ZNF410: variants seen among roughly 807,000 people sequenced by gnomAD.
ZNF410 encodes zinc finger protein 410, also known as another partner for ARF 1.
Under a neutral mutation model 54.8 loss-of-function variants are expected in ZNF410, and 18 were observed. The observed-to-expected ratio is 0.33, with a 90% CI of 0.23 to 0.49. The LOEUF (loss-of-function observed/expected upper bound fraction) is 0.49. Among genes scored for constraint, ZNF410 ranks in the 20% least tolerant of loss-of-function variants. ZNF410 has a pLI of 0.99. For missense variants in ZNF410, 405 were observed against 569.6 expected, an observed-to-expected ratio of 0.71 and a Z score of 2.94; for synonymous variants, 191 against 207.3, an observed-to-expected ratio of 0.92 and a Z score of 0.68.
At chr14:73,887,156 G>C (rs1420810968) in intron 1 of ZNF410, 3 of 152,490 alleles carry the variant, frequency 2.0e-5, no homozygotes, top group African/African-American at 4.8e-5. Flanking sequence ...CTTGGTTTTG[G>C]GGGTAGGGAT....
intron 8 of ZNF410, chr14:73,913,379 C>A (rs538164534): frequency 1.3e-5 from 2 of 152,246 alleles, no homozygotes; most frequent in African/African-American, 2.4e-5. Context: ...CCAGACACCC[C>A]CTCTTCCAGA....
In ZNF410 at chr14:73,892,071, A is replaced by G. The variant is rs1422105738; in HGVS notation, c.-105A>G. ...TAGTACAACATCTTACGGGAAGAGC[A>G]TAGTATTTCCTAGAGGAATATGAAC... On this transcript the variant is annotated 5_prime_UTR_variant, in exon 2 of 12. Transcript: ENST00000555044. 6 of 1,236,564 alleles carry G rather than the reference A, an allele frequency of 4.9e-6. No homozygotes were observed. The highest frequency in any genetic ancestry group is 4.4e-5 in the African/African-American group (3 of 67,566). 76.6% of individuals were successfully genotyped at this position (1,236,564 alleles called of 1,614,324 possible).
rs1884112300 is a variant in ZNF410, at chr14:73,932,263, CA to C, written c.*726del. On this transcript the variant is annotated 3_prime_UTR_variant, in exon 12 of 12. Transcript: ENST00000555044. ...AGATTCAGGTTTTCCTTTAAATAAA[CA>C]AAACAGCCCAGTCAGTTCTTTGGCT... 1 of 331,182 alleles carries C rather than the reference CA, an allele frequency of 3.0e-6. No homozygotes were observed. Among genetic ancestry groups the C allele is most frequent in the African/African-American group, 2.2e-5 (1 of 46,104 alleles). The allele number at this position is 331,182 out of a possible 1,614,324, so 20.5% of individuals were successfully genotyped here. A position where few individuals can be genotyped will look rare whatever the true frequency, so the allele number is the denominator to read the frequency against.
chr14:73,912,513 T>C (rs1156262912), intron 8 of ZNF410, among the ~76,000 whole-genome samples: 1 of 152,200 alleles, frequency 6.6e-6, no homozygotes, highest in Non-Finnish European at 1.5e-5. Flanking sequence ...CTGAATCTCT[T>C]ATTTCATAAA....
chr14:73,928,145 G>C (rs1594770305), intron 11 of ZNF410, among the ~76,000 whole-genome samples: 1 of 152,228 alleles, frequency 6.6e-6, no homozygotes, highest in South Asian at 2.1e-4. Flanking sequence ...AGCCTAAACT[G>C]GCAGTTTTTA....
intron 11 of ZNF410, among the ~76,000 whole-genome samples, chr14:73,929,435 T>G (rs1431187045): frequency 1.3e-5 from 2 of 152,224 alleles, no homozygotes; most frequent in African/African-American, 2.4e-5. Context: ...TTCACCTTTT[T>G]TGGAGATCAC....
At chr14:73,901,440 A>C (rs780004843) in intron 5 of ZNF410, among the ~76,000 whole-genome samples, 13 of 151,078 alleles carry the variant, frequency 8.6e-5, no homozygotes, top group African/African-American at 2.9e-4. Flanking sequence ...TTTTTTAGGG[A>C]AAAATTTGCG....
At chr14:73,922,245 C>T (rs1304676659) in intron 10 of ZNF410, 39 bp downstream of exon 10, 2 of 1,598,712 alleles carry the variant, frequency 1.3e-6, no homozygotes, top group Non-Finnish European at 1.7e-6. Context: ...GAAAAATGGG[C>T]TGCAACTAGG....
intron 8 of ZNF410, among the ~76,000 whole-genome samples, chr14:73,919,225 G>T (rs1166641972): frequency 1.3e-5 from 2 of 151,420 alleles, no homozygotes; most frequent in Admixed American, 6.6e-5. Context: ...TTGATCTCCT[G>T]ACCTCAAGTA....
At chr14:73,897,743 G>A (rs1156782791) in intron 4 of ZNF410, among the ~76,000 whole-genome samples, 2 of 152,186 alleles carry the variant, frequency 1.3e-5, no homozygotes, top group South Asian at 2.1e-4. Context: ...GGAGGCCGAC[G>A]TGGGCGAATC....
In ZNF410 at chr14:73,922,170, C is replaced by G. The variant is rs746494810; in HGVS notation, c.1234C>G (p.Leu412Val). 6.2e-7 allele frequency: 1 copy of G among 1,613,974 alleles called. No homozygotes were observed. The highest frequency in any genetic ancestry group is 1.3e-5 in the African/African-American group (1 of 75,014). The change falls in exon 10 of 12, where the codon CTA becomes GTA. Residue 412 changes from leucine (L) to valine (V), a missense_variant. Transcript: ENST00000555044. The stretch of plus-strand genomic sequence containing the variant: ...CAGCCTTGGTGGAGAGTCCTTGAAC[C>G]TACCAAATACCAATTCTATCCTGGG... ...QPSLGGESLN[L>V]PNTNSILGVD...
At chr14:73,925,390 T>G (rs914118577) in intron 11 of ZNF410, among the ~76,000 whole-genome samples, 1 of 152,090 alleles carries the variant, frequency 6.6e-6, no homozygotes, top group African/African-American at 2.4e-5. Context: ...GAAGTCGAAG[T>G]TACGGCTGAG....
intron 6 of ZNF410, among the ~76,000 whole-genome samples, chr14:73,904,420 G>C (rs2055451312): frequency 6.6e-6 from 1 of 152,110 alleles, no homozygotes. Context: ...TTGAACCTAT[G>C]AGATCAGTTT....
At chr14:73,923,850 T>C (rs1356266457) in intron 11 of ZNF410, among the ~76,000 whole-genome samples, 1 of 152,128 alleles carries the variant, frequency 6.6e-6, no homozygotes, top group East Asian at 1.9e-4. Flanking sequence ...ACTGAATAAA[T>C]GCATGTTGAC....
chr14:73,922,004 A>G, intron 9 of ZNF410, 62 bp from the exon 10 acceptor site: 2 of 1,575,080 alleles, frequency 1.3e-6, no homozygotes, highest in Non-Finnish European at 1.7e-6. Context: ...CTGTTGAAAG[A>G]AAATGAGGAC....
In ZNF410 at chr14:73,896,349, A is replaced by ATTT. The variant is rs2055317222; in HGVS notation, c.203_204insTTT (p.Glu68delinsAspLeu). On this transcript the variant is annotated protein_altering_variant, in exon 4 of 12. Transcript: ENST00000555044. ...ACAAATCATTCTAACTCCTCCAAGGAGGTCCCTTCCTCAGCTGTTTTGAGA... is the reference window on the plus strand; with the variant it reads ...ACAAATCATTCTAACTCCTCCAAGGATTTGGTCCCTTCCTCAGCTGTTTTGAGA... The ATTT allele has an allele frequency of 1.2e-6, 2 of 1,614,140 alleles. No individual in the cohort carries two copies. The highest frequency in any genetic ancestry group is 1.7e-6 in the Non-Finnish European group (2 of 1,180,030).
intron 5 of ZNF410, among the ~76,000 whole-genome samples, chr14:73,900,567 T>A (rs2055389839): frequency 6.6e-6 from 1 of 151,970 alleles, no homozygotes; most frequent in South Asian, 2.1e-4. Flanking sequence ...AGACACAGGG[T>A]TTCACCGTGT....
chr14:73,889,625 T>C (rs2055194820), intron 1 of ZNF410, among the ~76,000 whole-genome samples: 1 of 152,050 alleles, frequency 6.6e-6, no homozygotes, highest in African/African-American at 2.4e-5. Context: ...AATTAAGTAA[T>C]ATACTGAGCC....
chr14:73,928,881 C>G (rs970272843), intron 11 of ZNF410, among the ~76,000 whole-genome samples: 1 of 152,014 alleles, frequency 6.6e-6, no homozygotes. Flanking sequence ...CCCAGGAGTT[C>G]GAGGCTGCAG....
Sources: gnomAD v4.1 joint callset for allele counts (sites outside exome capture counted in the v4.1 genomes callset) on GRCh38, gnomAD v4.1.1 for gene constraint, MANE v1.5 for transcripts, NCBI Gene and HGNC (gene_info 2026-07-23, HGNC 2026-07-21) for gene names.